TSPAN5: variants seen among roughly 807,000 people sequenced by gnomAD.
TSPAN5 encodes the protein tetraspanin 5.
A neutral mutation model predicts 37.1 loss-of-function variants in TSPAN5; 10 were observed. That is an observed-to-expected ratio of 0.27 (90% CI 0.17 to 0.46). TSPAN5 has a LOEUF of 0.46. TSPAN5 is among the 20% of genes least tolerant of loss of function. TSPAN5 has a pLI of 1.00. For synonymous variants in TSPAN5, 110 were observed against 118.9 expected (o/e 0.93, Z 0.48); for missense variants, 195 against 326.6 (o/e 0.60, Z 3.11).
chr4:98,516,018 C>CG (rs1277556988), intron 1 of TSPAN5, among the ~76,000 whole-genome samples: 2 of 152,152 alleles, frequency 1.3e-5, no homozygotes, highest in Non-Finnish European at 2.9e-5. Flanking sequence ...CTGGTTTTTG[C>CG]ATGATATCCT....
intron 1 of TSPAN5, among the ~76,000 whole-genome samples, chr4:98,541,100 T>G (rs1244642481): frequency 6.6e-6 from 1 of 152,180 alleles, no homozygotes; most frequent in Admixed American, 6.5e-5. Context: ...ACCCATAAAA[T>G]AGTGACAAAA....
intron 1 of TSPAN5, among the ~76,000 whole-genome samples, chr4:98,515,107 G>A (rs1181847071): frequency 6.6e-6 from 1 of 152,184 alleles, no homozygotes; most frequent in Non-Finnish European, 1.5e-5. Context: ...TCCAGGGAAA[G>A]TCTGGAGGCA....
chr4:98,648,453 A>G (rs1323182710), intron 1 of TSPAN5, among the ~76,000 whole-genome samples: 1 of 152,202 alleles, frequency 6.6e-6, no homozygotes. Context: ...AGCAGGGCAA[A>G]GGAACCAGAA....
At chr4:98,550,457 G>C (rs1754586472) in intron 1 of TSPAN5, among the ~76,000 whole-genome samples, 1 of 152,072 alleles carries the variant, frequency 6.6e-6, no homozygotes, top group Non-Finnish European at 1.5e-5. Context: ...TATTGAATCT[G>C]TAGATTTCTC....
intron 7 of TSPAN5, among the ~76,000 whole-genome samples, chr4:98,473,260 C>T (rs1192040062): frequency 6.6e-6 from 1 of 152,122 alleles, no homozygotes; most frequent in African/African-American, 2.4e-5. Context: ...TAAATTGTTT[C>T]CCAAAGAGGT....
Position 98,524,334 on chromosome 4 carries a change from AT to A in TSPAN5, c.82-16607del, listed in dbSNP as rs370311636. 3.8e-3 allele frequency among the ~76,000 whole-genome samples: 578 copies of A among 152,372 alleles called. 7 individuals are homozygous for A. Among genetic ancestry groups the A allele is most frequent in the African/African-American group, 0.012 (507 of 41,592 alleles). ...CGCTGACAGAATATATTAGGTTCACATTAATTTACAGTGGTAGCATAATGCT... is the reference window on the plus strand; with the variant it reads ...CGCTGACAGAATATATTAGGTTCACATAATTTACAGTGGTAGCATAATGCT... On this transcript the variant is annotated intron_variant, in intron 1 of 7. Transcript: ENST00000305798.
At chr4:98,545,845 T>C (rs573924021) in intron 1 of TSPAN5, among the ~76,000 whole-genome samples, 14 of 152,226 alleles carry the variant, frequency 9.2e-5, no homozygotes, top group Non-Finnish European at 2.1e-4. Context: ...ATATTCTTAA[T>C]AGGCTCAACA....
intron 1 of TSPAN5, among the ~76,000 whole-genome samples, chr4:98,542,013 T>C (rs1754370022): frequency 6.6e-6 from 1 of 152,236 alleles, no homozygotes; most frequent in Non-Finnish European, 1.5e-5. Context: ...AAACATATTG[T>C]CTAAAGCCCA....
At chr4:98,540,666 GA>G (rs1158574526) in intron 1 of TSPAN5, among the ~76,000 whole-genome samples, 1 of 152,082 alleles carries the variant, frequency 6.6e-6, no homozygotes, top group Non-Finnish European at 1.5e-5. Flanking sequence ...TTAATTCCCG[GA>G]CTGAAAACTA....
chr4:98,539,615 G>A (rs933410339), intron 1 of TSPAN5, among the ~76,000 whole-genome samples: 3 of 152,040 alleles, frequency 2.0e-5, no homozygotes, highest in African/African-American at 7.2e-5. Flanking sequence ...ATACTCTAGG[G>A]GGAAGAAAAG....
intron 1 of TSPAN5, among the ~76,000 whole-genome samples, chr4:98,606,830 T>C (rs1436890352): frequency 6.6e-6 from 1 of 152,242 alleles, no homozygotes; most frequent in Non-Finnish European, 1.5e-5. Context: ...ACGGTGATTC[T>C]CACTCCAACT....
chr4:98,533,942 A>AAAAAAAAAAAAAAAAAAAAC (rs1754167033), intron 1 of TSPAN5, among the ~76,000 whole-genome samples: 1 of 137,854 alleles, frequency 7.3e-6, no homozygotes, highest in African/African-American at 2.7e-5. Flanking sequence ...TTGATCTTAA[A>AAAAAAAAAAAAAAAAAAAAC]AAAAAAAAAA....
At chr4:98,622,511 G>C (rs970547539) in intron 1 of TSPAN5, among the ~76,000 whole-genome samples, 2 of 152,276 alleles carry the variant, frequency 1.3e-5, no homozygotes, top group East Asian at 3.9e-4. Flanking sequence ...CAGTGGTTGC[G>C]CCATTTTCAT....
intron 1 of TSPAN5, among the ~76,000 whole-genome samples, chr4:98,617,946 T>C (rs1756377211): frequency 6.6e-6 from 1 of 152,252 alleles, no homozygotes; most frequent in Non-Finnish European, 1.5e-5. Context: ...TGTTCTAGAA[T>C]TCTCCCTCCT....
chr4:98,583,899 G>A (rs1036420237), intron 1 of TSPAN5, among the ~76,000 whole-genome samples: 5 of 152,134 alleles, frequency 3.3e-5, no homozygotes, highest in Non-Finnish European at 5.9e-5. Context: ...CCACTACACA[G>A]TCAATGTAGG....
At chr4:98,533,152 T>G (rs1754137609) in intron 1 of TSPAN5, among the ~76,000 whole-genome samples, 1 of 152,170 alleles carries the variant, frequency 6.6e-6, no homozygotes, top group Admixed American at 6.5e-5. Flanking sequence ...GAAATTTTCC[T>G]TTTTTGTGGT....
At chr4:98,564,713 T>G (rs1754961450) in intron 1 of TSPAN5, among the ~76,000 whole-genome samples, 1 of 152,084 alleles carries the variant, frequency 6.6e-6, no homozygotes, top group Non-Finnish European at 1.5e-5. Context: ...TTTTTCTTTT[T>G]TGAGATGGAG....
chr4:98,607,712 A>ATTT (rs199535963), intron 1 of TSPAN5, among the ~76,000 whole-genome samples: 1 of 145,402 alleles, frequency 6.9e-6, no homozygotes, highest in Admixed American at 6.9e-5. Flanking sequence ...CTTAAATGAA[A>ATTT]TTTTTTTTTT....
At chr4:98,590,091 C>G (rs1364320224) in intron 1 of TSPAN5, among the ~76,000 whole-genome samples, 4 of 152,078 alleles carry the variant, frequency 2.6e-5, no homozygotes, top group Admixed American at 2.6e-4. Context: ...ACAACACAGA[C>G]CATGAAATGA....
Sources: gnomAD v4.1 joint callset for allele counts (sites outside exome capture counted in the v4.1 genomes callset) on GRCh38, gnomAD v4.1.1 for gene constraint, MANE v1.5 for transcripts, NCBI Gene and HGNC (gene_info 2026-07-23, HGNC 2026-07-21) for gene names.